Variants in RADIL observed in about 807,000 individuals in gnomAD.
RADIL encodes the protein ras-associating and dilute domain-containing protein.
Under a neutral mutation model 97.6 loss-of-function variants are expected in RADIL, and 99 were observed. The ratio of observed to expected loss-of-function variants is 1.01; its 90% CI spans 0.86 to 1.20. RADIL has a LOEUF of 1.20. RADIL is among the 50% of genes most tolerant of loss of function. The pLI is 0.00. For synonymous variants in RADIL, 803 were observed against 691.8 expected, an observed-to-expected ratio of 1.16 and a Z score of -2.52; for missense variants, 1,765 against 1,498.9, an observed-to-expected ratio of 1.18 and a Z score of -2.93.
rs566679030 is a variant in RADIL, at chr7:4,873,277, CA to C, written c.535+4327del. 3.3e-4 allele frequency among the ~76,000 whole-genome samples: 51 copies of C among 152,248 alleles called. No homozygotes were observed. In the South Asian group the frequency reaches 0.01, roughly 30 times the overall value. On this transcript the variant is annotated intron_variant, in intron 2 of 14. Transcript: ENST00000399583. The surrounding 1 kb of genome is among the most constrained non-coding windows in gnomAD (Gnocchi z 4.3). ...GGAGTAATGGGAAATTATTGAAAAA[CA>C]GTGTTACAGTGTTGAGCAACCTGGG...
At chr7:4,860,160 T>G in intron 2 of RADIL, 3 of 1,614,000 alleles carry the variant, frequency 1.9e-6, no homozygotes, top group Non-Finnish European at 2.5e-6. Context: ...CCCTGAGAAC[T>G]GCTAATCAAT....
intron 2 of RADIL, among the ~76,000 whole-genome samples, chr7:4,877,162 C>T (rs1305912381): frequency 6.6e-6 from 1 of 152,296 alleles, no homozygotes; most frequent in African/African-American, 2.4e-5. Context: ...ACTTCCCAGA[C>T]AGCTGAGGTG....
At chr7:4,809,240 G>A (rs1782463579) in intron 9 of RADIL, 2 of 985,304 alleles carry the variant, frequency 2.0e-6, no homozygotes, top group Non-Finnish European at 2.4e-6. Flanking sequence ...AGGGGCGCTC[G>A]GGCCTGGCCG....
rs191676329 is a variant in RADIL, at chr7:4,838,639, G to T, written c.536-2034C>A. On this transcript the variant is annotated intron_variant, in intron 2 of 14. Coordinates refer to ENST00000399583, the MANE Select transcript of RADIL (RefSeq NM_018059.5). ...GCTGACACGCAGGGGCCACTCCCAG[G>T]GTCTCCTTCCTGGTGCTGGGTAGGC... Among the ~76,000 whole-genome samples the T allele has an allele frequency of 5.0e-3, 759 of 152,320 alleles. 6 individuals are homozygous for T. The highest frequency in any genetic ancestry group is 0.018 in the African/African-American group (732 of 41,588).
At chr7:4,805,406 G>T (rs1182866216) in intron 10 of RADIL, 160 bp downstream of exon 10, 7 of 620,220 alleles carry the variant, frequency 1.1e-5, no homozygotes, top group Non-Finnish European at 1.6e-5. Context: ...GGATGGGGCG[G>T]GGCGGGGGGG....
At chr7:4,804,709 C>T (rs1782235795) in intron 10 of RADIL, among the ~76,000 whole-genome samples, 1 of 151,958 alleles carries the variant, frequency 6.6e-6, no homozygotes, top group Non-Finnish European at 1.5e-5. Flanking sequence ...ATCGCTTGAA[C>T]CCAGGAGGTG....
At position 4,799,682 on chromosome 7, in the gene RADIL, C is replaced by A. The variant is rs1158458048; in HGVS notation, c.3070G>T (p.Asp1024Tyr). The change falls in exon 14 of 15, where the codon GAC (aspartate) becomes TAC (tyrosine). Residue 1024 changes from aspartate to tyrosine, a missense_variant. Physicochemically the swap from Asp to Tyr is radical, Grantham distance 160 (BLOSUM62 -3). Coordinates refer to ENST00000399583, the MANE Select transcript of RADIL (RefSeq NM_018059.5). ...AAADGRLSLG[D>Y]RILEVNGSSL... is the part of the protein sequence containing the mutation. ...CTGCCATTCACCTCCAGGATACGGT[C>A]CCCCAGCGACAGGCGCCCGTCGGCC... 2.5e-6 allele frequency: 4 copies of A among 1,589,554 alleles called. No homozygotes were observed. Among genetic ancestry groups the A allele is most frequent in the African/African-American group, 2.7e-5 (2 of 74,652 alleles).
At chr7:4,800,455 T>C in intron 12 of RADIL, 145 bp from the exon 13 acceptor site, 1 of 918,882 alleles carries the variant, frequency 1.1e-6, no homozygotes, top group Non-Finnish European at 1.5e-6. Context: ...TCAGGCAGAA[T>C]GTGACCGGCA....
At chr7:4,868,637 T>G (rs963414707) in intron 2 of RADIL, among the ~76,000 whole-genome samples, 1 of 152,246 alleles carries the variant, frequency 6.6e-6, no homozygotes, top group African/African-American at 2.4e-5. Flanking sequence ...GCCGTTTTCT[T>G]GCTGATCTTT....
In RADIL at chr7:4,837,524, C is replaced by G. The variant is rs1365390654; in HGVS notation, c.536-919G>C. 1.3e-5 allele frequency among the ~76,000 whole-genome samples: 2 copies of G among 152,188 alleles called. No homozygotes were observed. The highest frequency in any genetic ancestry group is 4.8e-5 in the African/African-American group (2 of 41,448). On this transcript the variant is annotated intron_variant, in intron 2 of 14. Coordinates refer to ENST00000399583, the MANE Select transcript of RADIL (RefSeq NM_018059.5). This position sits in a 1 kb window ranked among gnomAD's most constrained non-coding sequence, Gnocchi z 5.6. ...TTCCCAAGGCTGTCTCTGATACCCCCAAGCCAAAGCAGGCACACACACAAA... is the reference window on the plus strand; with the variant it reads ...TTCCCAAGGCTGTCTCTGATACCCCGAAGCCAAAGCAGGCACACACACAAA...
chr7:4,861,576 C>A (rs748001422), intron 2 of RADIL: 1 of 1,613,806 alleles, frequency 6.2e-7, no homozygotes, highest in Non-Finnish European at 8.5e-7. Flanking sequence ...TCACTGATTT[C>A]GCGTATCCAT....
chr7:4,799,876 A>T, intron 13 of RADIL, 107 bp from the exon 14 acceptor site: 1 of 1,397,232 alleles, frequency 7.2e-7, no homozygotes, highest in South Asian at 1.5e-5. Flanking sequence ...CCTGGCATCC[A>T]GCCAGGCCCA....
intron 9 of RADIL, among the ~76,000 whole-genome samples, chr7:4,810,621 G>T (rs1782513884): frequency 6.6e-6 from 1 of 152,220 alleles, no homozygotes; most frequent in Non-Finnish European, 1.5e-5. Flanking sequence ...TCCCTAAGCG[G>T]GCCGTGGCGA....
At chr7:4,846,716 T>C (rs1783584431) in intron 2 of RADIL, among the ~76,000 whole-genome samples, 1 of 151,648 alleles carries the variant, frequency 6.6e-6, no homozygotes, top group Non-Finnish European at 1.5e-5. Context: ...TGGCTAATTT[T>C]CGTATTTTTA....
At position 4,824,097 on chromosome 7, in the gene RADIL, G is replaced by A. The variant is rs1454384966; in HGVS notation, c.1455-1543C>T. On this transcript the variant is annotated intron_variant, in intron 5 of 14. Transcript: ENST00000399583. The surrounding 1 kb of genome is among the most constrained non-coding windows in gnomAD (Gnocchi z 6.7). Reference sequence around the variant, plus strand: ...AGCAGAAGGGATCCTTTTGCAAACAGATCAAATCACACAGATCTGACTTGG... The same window carrying A: ...AGCAGAAGGGATCCTTTTGCAAACAAATCAAATCACACAGATCTGACTTGG... Among the ~76,000 whole-genome samples the A allele has an allele frequency of 1.3e-5, 2 of 152,258 alleles. No individual in the cohort carries two copies. The highest frequency in any genetic ancestry group is 4.8e-5 in the African/African-American group (2 of 41,474).
intron 9 of RADIL, among the ~76,000 whole-genome samples, chr7:4,811,489 T>C (rs1293299431): frequency 1.7e-5 from 2 of 120,510 alleles, no homozygotes; most frequent in East Asian, 2.2e-4. Flanking sequence ...CTTTTTTTTT[T>C]TTTTTTTTTT....
rs951853262 is a variant in RADIL at position 4,816,171 on chromosome 7, G to A, written c.1966+57C>T. On this transcript the variant is annotated intron_variant, in intron 8 of 14. Transcript: ENST00000399583. ...GGAGCTGGCGAGGGAGGCGCCAGCAGCCGTCATGTCCAGGAATGTGAGCCC... is the reference window on the plus strand; with the variant it reads ...GGAGCTGGCGAGGGAGGCGCCAGCAACCGTCATGTCCAGGAATGTGAGCCC... 4.0e-6 allele frequency: 6 copies of A among 1,513,208 alleles called. No individual in the cohort carries two copies. The African/African-American group carries it at 6.9e-5, about 17-fold the overall frequency. The allele number at this position is 1,513,208 out of a possible 1,614,324, so 93.7% of individuals were successfully genotyped here.
At chr7:4,801,530 G>A (rs1782083944) in intron 12 of RADIL, 123 bp downstream of exon 12, 2 of 1,068,580 alleles carry the variant, frequency 1.9e-6, no homozygotes, top group African/African-American at 1.6e-5. Context: ...TCAGGTTGCA[G>A]GTGTCTGTGG....
intron 9 of RADIL, chr7:4,809,082 C>T (rs1583269584): frequency 1.0e-6 from 1 of 983,600 alleles, no homozygotes; most frequent in Non-Finnish European, 1.2e-6. Context: ...TCCGCGTCTC[C>T]TGTAGACGCT....
Sources: gnomAD v4.1 joint callset for allele counts (sites outside exome capture counted in the v4.1 genomes callset) on GRCh38, gnomAD v4.1.1 for gene constraint, Gnocchi (gnomAD v3.1) non-coding constraint, MANE v1.5 for transcripts, NCBI Gene and HGNC (gene_info 2026-07-23, HGNC 2026-07-21) for gene names.